CELSR2: variants seen among roughly 807,000 people sequenced by gnomAD.
The protein encoded by CELSR2 is EGF-like protein 2.
Under a neutral mutation model 251.6 loss-of-function variants are expected in CELSR2, and 81 were observed. That is an observed-to-expected ratio of 0.32 (90% confidence interval 0.27 to 0.39). The LOEUF (loss-of-function observed/expected upper bound fraction) is 0.39. Ranked by LOEUF, CELSR2 falls within the 10% of genes least tolerant of loss-of-function variation. The pLI, the probability that CELSR2 is intolerant of heterozygous loss-of-function variation, is 1.00. For synonymous variants in CELSR2, 1,721 were observed against 1,670.5 expected (o/e 1.03, Z -0.74); for missense variants, 3,365 against 3,947.7 (o/e 0.85, Z 3.96).
At position 109,269,748 on chromosome 1, in the gene CELSR2, T is replaced by C. The variant is rs774507931; in HGVS notation, c.7035T>C (p.Asn2345=). The C allele has an allele frequency of 4.3e-6, 7 of 1,613,896 alleles. No homozygotes were observed. The highest frequency in any genetic ancestry group is 2.2e-5 in the East Asian group (1 of 44,830). The change falls in exon 22 of 34, where the codon AAT becomes AAC. Residue 2345 remains asparagine (N), a synonymous_variant. Coordinates refer to ENST00000271332, the MANE Select transcript of CELSR2 (RefSeq NM_001408.3). This position sits in a 1 kb window ranked among gnomAD's most constrained non-coding sequence, Gnocchi z 6.4. ...GAGGCTGTGAAGTCGTCTTCCGCAA[T>C]GAGAGCCACGTCAGCTGCCAGTGCA... The part of the protein sequence containing the change: ...SARGCEVVFR[N]ESHVSCQCNH...
chr1:109,270,845 C>T (rs912790607), intron 24 of CELSR2, 82 bp from the exon 25 acceptor site: 11 of 1,075,852 alleles, frequency 1.0e-5, no homozygotes, highest in African/African-American at 1.6e-5. Context: ...CATGCCTGGC[C>T]CTGTGAGCCC....
rs1250313183 is a variant in CELSR2, at chr1:109,263,177, A to G, written c.4744A>G (p.Thr1582Ala). ...CAAGAAGAACGTGTGTGACAGCAAC[A>G]CTTGCCACAATGGGGGCACTTGCGT... ...PAKKNVCDSNTCHNGGTCVNQ... is the reference protein window; with the variant it reads ...PAKKNVCDSNACHNGGTCVNQ... The change falls in exon 8 of 34, where the codon ACT becomes GCT. Residue 1582 changes from threonine to alanine, a missense_variant. Physicochemically the swap from Thr to Ala is moderately conservative, Grantham distance 58. Around this residue, in one of 5 missense-constraint regions of CELSR2, gnomAD observed 2,093 missense variants for 2,382.8 expected, o/e 0.88. Coordinates refer to ENST00000271332, the MANE Select transcript of CELSR2 (RefSeq NM_001408.3). 2 of 1,600,894 alleles carry G rather than the reference A, an allele frequency of 1.2e-6. No homozygotes were observed. Among genetic ancestry groups the G allele is most frequent in the Admixed American group, 3.3e-5 (2 of 59,774 alleles).
chr1:109,257,396 T>C (rs144448267), intron 1 of CELSR2, among the ~76,000 whole-genome samples: 1 of 151,888 alleles, frequency 6.6e-6, no homozygotes, highest in East Asian at 1.9e-4. Flanking sequence ...TGTAAAGCCA[T>C]TTCCTCCTTC....
intron 1 of CELSR2, among the ~76,000 whole-genome samples, chr1:109,256,952 C>T (rs1028294881): frequency 1.3e-5 from 2 of 152,092 alleles, no homozygotes; most frequent in Non-Finnish European, 2.9e-5. Context: ...GCCACTGCGC[C>T]CGGCCCCCTG....
intron 8 of CELSR2, 122 bp downstream of exon 8, chr1:109,263,389 C>G: frequency 1.4e-6 from 2 of 1,436,576 alleles, no homozygotes; most frequent in Non-Finnish European, 1.9e-6. Flanking sequence ...AAAAGCGTGT[C>G]TGGGCAGAGC....
Position 109,252,440 on chromosome 1 carries a change from T to C in CELSR2, c.2361T>C (p.Ala787=). Residue 787 remains alanine, a synonymous_variant, in exon 1 of 34, where the codon GCT becomes GCC. Transcript: ENST00000271332. This position sits in a 1 kb window ranked among gnomAD's most constrained non-coding sequence, Gnocchi z 4.8. ...DQVSYTLAIT[A]RDNGIPQKSD... is the part of the protein sequence containing the mutation. The stretch of plus-strand genomic sequence containing the variant: ...TGTCTTACACCCTGGCCATTACTGC[T>C]CGGGACAATGGCATTCCCCAGAAGT... The C allele has an allele frequency of 6.2e-7, 1 of 1,613,552 alleles. No homozygotes were observed.
chr1:109,271,308 G>C lies in CELSR2; in HGVS notation c.7676+12G>C. 6.2e-7 allele frequency: 1 copy of C among 1,613,932 alleles called. No individual in the cohort carries two copies. The highest frequency in any genetic ancestry group is 1.3e-5 in the African/African-American group (1 of 75,024). On this transcript the variant is annotated intron_variant, in intron 26 of 33. Coordinates refer to ENST00000271332, the MANE Select transcript of CELSR2 (RefSeq NM_001408.3). ...AAGAAAGGTCCTGTGTGAGTATAGG[G>C]TTGGGGTGCCTGGGCCATGGGCAGG...
chr1:109,250,525 A>T lies in CELSR2; in HGVS notation c.446A>T (p.Lys149Met), dbSNP rs762327571. Residue 149 changes from lysine (K) to methionine (M), a missense_variant, in exon 1 of 34, where the codon AAG becomes ATG. Around this residue, in one of 5 missense-constraint regions of CELSR2, gnomAD observed 704 missense variants for 784.1 expected, o/e 0.90. Coordinates refer to ENST00000271332, the MANE Select transcript of CELSR2 (RefSeq NM_001408.3). The surrounding 1 kb of genome is among the most constrained non-coding windows in gnomAD (Gnocchi z 4.4). ...KAPRLRCQSC[K>M]LAQAPGLRAG... Reference sequence around the variant, plus strand: ...CCACGGCTCAGATGCCAGTCCTGCAAGCTGGCACAGGCCCCCGGGCTCAGG... The same window carrying T: ...CCACGGCTCAGATGCCAGTCCTGCATGCTGGCACAGGCCCCCGGGCTCAGG... The T allele has an allele frequency of 1.9e-6, 3 of 1,613,856 alleles. No individual in the cohort carries two copies. The highest frequency in any genetic ancestry group is 2.5e-6 in the Non-Finnish European group (3 of 1,180,004).
rs376481652 is a variant in CELSR2, at chr1:109,272,849, C to T, written c.8160C>T (p.Ser2720=). The part of the protein sequence containing the change: ...QDQQHDPDTD[S]DSDLSLEDDQ... ...GCCTCCTAGATCCTGACACGGACTCCGACAGTGACCTGTCCTTAGAAGACG... is the reference window on the plus strand; with the variant it reads ...GCCTCCTAGATCCTGACACGGACTCTGACAGTGACCTGTCCTTAGAAGACG... The change falls in exon 31 of 34, where the codon TCC becomes TCT. Residue 2720 remains serine, a synonymous_variant. Coordinates refer to ENST00000271332, the MANE Select transcript of CELSR2 (RefSeq NM_001408.3). 14 of 1,613,280 alleles carry T rather than the reference C, an allele frequency of 8.7e-6. No individual in the cohort carries two copies. The African/African-American group carries it at 9.4e-5, about 11-fold the overall frequency.
At chr1:109,263,051 G>A (rs749592804) in intron 7 of CELSR2, 82 bp downstream of exon 7, 19 of 1,581,104 alleles carry the variant, frequency 1.2e-5, no homozygotes, top group Non-Finnish European at 1.6e-5. Context: ...TGCCAGAATG[G>A]AGGGTCTCAG....
At position 109,252,370 on chromosome 1, in the gene CELSR2, C is replaced by G; in HGVS notation, c.2291C>G (p.Thr764Arg). 2 of 1,613,042 alleles carry G rather than the reference C, an allele frequency of 1.2e-6. No homozygotes were observed. Among genetic ancestry groups the G allele is most frequent in the Non-Finnish European group, 8.5e-7 (1 of 1,180,024 alleles). The change falls in exon 1 of 34, where the codon ACG (threonine) becomes AGG (arginine). Residue 764 changes from threonine to arginine, a missense_variant. Thr to Arg is a moderately conservative substitution (Grantham distance 71). Around this residue, in one of 5 missense-constraint regions of CELSR2, gnomAD observed 505 missense variants for 660.0 expected, o/e 0.77. Coordinates refer to ENST00000271332, the MANE Select transcript of CELSR2 (RefSeq NM_001408.3). This position sits in a 1 kb window ranked among gnomAD's most constrained non-coding sequence, Gnocchi z 4.8. ...CCCCAGTTCCGCATCGATGCAGACA[C>G]GGGGGCTGTCACCACCCAGGCTGAG... ...SIPQFRIDAD[T>R]GAVTTQAELD...
At chr1:109,256,751 C>T (rs1655858986) in intron 1 of CELSR2, among the ~76,000 whole-genome samples, 1 of 152,224 alleles carries the variant, frequency 6.6e-6, no homozygotes, top group Admixed American at 6.5e-5. Context: ...AAGCAATTCT[C>T]CTGCCTCAGC....
At chr1:109,268,502 C>T (rs745871481) in intron 17 of CELSR2, 79 bp from the exon 18 acceptor site, 136 of 1,496,596 alleles carry the variant, frequency 9.1e-5, no homozygotes, top group Non-Finnish European at 1.1e-4. Flanking sequence ...GGGACTGGCC[C>T]GGGCACAGGC....
At position 109,269,608 on chromosome 1, in the gene CELSR2, C is replaced by G. The variant is rs1656310945; in HGVS notation, c.6980+17C>G. On this transcript the variant is annotated intron_variant, in intron 21 of 33. Coordinates refer to ENST00000271332, the MANE Select transcript of CELSR2 (RefSeq NM_001408.3). The surrounding 1 kb of genome is among the most constrained non-coding windows in gnomAD (Gnocchi z 6.4). ...TTCAATCCTGTGAGCCTGCACTGCC[C>G]TCGCCCCCTCAGGCTTCGGGCTGAA... The G allele has an allele frequency of 6.2e-7, 1 of 1,613,642 alleles. No individual in the cohort carries two copies. Among genetic ancestry groups the G allele is most frequent in the South Asian group, 1.1e-5 (1 of 91,072 alleles).
chr1:109,264,190 C>T lies in CELSR2; in HGVS notation c.5114C>T (p.Ala1705Val). The T allele has an allele frequency of 1.9e-6, 3 of 1,612,934 alleles. No individual in the cohort carries two copies. The highest frequency in any genetic ancestry group is 2.5e-6 in the Non-Finnish European group (3 of 1,179,718). Reference sequence around the variant, plus strand: ...GGTGACTGGCACCATGCACAGCTGGCACTGGGAGCCAGCGGGGGGCCCGGC... The same window carrying T: ...GGTGACTGGCACCATGCACAGCTGGTACTGGGAGCCAGCGGGGGGCCCGGC... ...NDGDWHHAQL[A>V]LGASGGPGHA... is the part of the protein sequence containing the mutation. The change falls in exon 10 of 34, where the codon GCA (alanine) becomes GTA (valine). Residue 1705 changes from alanine to valine, a missense_variant. Around this residue, in one of 5 missense-constraint regions of CELSR2, gnomAD observed 2,093 missense variants for 2,382.8 expected, o/e 0.88. Coordinates refer to ENST00000271332, the MANE Select transcript of CELSR2 (RefSeq NM_001408.3).
Position 109,261,074 on chromosome 1 carries a change from C to T in CELSR2, c.3991C>T (p.Arg1331Cys), listed in dbSNP as rs369058742. The T allele has an allele frequency of 1.3e-5, 21 of 1,613,654 alleles. No individual in the cohort carries two copies. Among genetic ancestry groups the T allele is most frequent in the Middle Eastern group, 1.6e-4 (1 of 6,084 alleles). Residue 1331 changes from arginine (R) to cysteine (C), a missense_variant, in exon 3 of 34, where the codon CGT (arginine) becomes TGT (cysteine). Arg to Cys is a radical substitution (Grantham distance 180). Transcript: ENST00000271332. This position sits in a 1 kb window ranked among gnomAD's most constrained non-coding sequence, Gnocchi z 4.8. The part of the protein sequence containing the change: ...EHCEVSARSG[R>C]CTPGVCKNGG... ...CTGTGAGGTGAGTGCTCGCTCAGGCCGTTGCACCCCGGGTGTCTGCAAGAA... is the reference window on the plus strand; with the variant it reads ...CTGTGAGGTGAGTGCTCGCTCAGGCTGTTGCACCCCGGGTGTCTGCAAGAA...
chr1:109,273,094 A>G (rs1656419767), intron 31 of CELSR2, 67 bp downstream of exon 31: 1 of 1,592,620 alleles, frequency 6.3e-7, no homozygotes, highest in South Asian at 1.1e-5. Flanking sequence ...GGTTCTTGGG[A>G]AGCAGGACTG....
At position 109,263,672 on chromosome 1, in the gene CELSR2, G is replaced by A. The variant is rs769785090; in HGVS notation, c.4896G>A (p.Leu1632=). 4.3e-6 allele frequency: 7 copies of A among 1,614,036 alleles called. No individual in the cohort carries two copies. The South Asian group carries it at 4.4e-5, about 10-fold the overall frequency. ...SSLVAWHGLS[L]PISQPWYLSL... ...TGGTGGCCTGGCATGGCCTCTCGCT[G>A]CCCATCTCCCAACCCTGGTACCTCA... Residue 1632 remains leucine (L), a synonymous_variant, in exon 9 of 34, where the codon CTG becomes CTA. Transcript: ENST00000271332.
Position 109,258,952 on chromosome 1 carries a change from G to C in CELSR2, c.3831G>C (p.Pro1277=). The C allele has an allele frequency of 6.2e-7, 1 of 1,611,362 alleles. No individual in the cohort carries two copies. Among genetic ancestry groups the C allele is most frequent in the Non-Finnish European group, 8.5e-7 (1 of 1,179,592 alleles). The change falls in exon 2 of 34, where the codon CCG becomes CCC. Residue 1277 remains proline, a synonymous_variant. Coordinates refer to ENST00000271332, the MANE Select transcript of CELSR2 (RefSeq NM_001408.3). The part of the protein sequence containing the change: ...HPVGGLRCRC[P]PGFTGDYCET... ...TCGGAGGGCTGCGCTGCCGCTGCCC[G>C]CCCGGCTTCACGGGTGACTACTGCG... is the stretch of plus-strand genomic sequence containing the variant.
Sources: allele counts gnomAD v4.1 joint callset (sites outside exome capture counted in the v4.1 genomes callset), GRCh38; gene constraint gnomAD v4.1.1; regional missense constraint gnomAD v4.1.1; non-coding constraint Gnocchi (gnomAD v3.1); transcripts MANE v1.5; gene names NCBI Gene and HGNC (gene_info 2026-07-23, HGNC 2026-07-21).